SLC24A3: variants seen among roughly 807,000 people sequenced by gnomAD.
SLC24A3 encodes solute carrier family 24 member 3.
In SLC24A3, 28 loss-of-function variants were observed where a neutral mutation model predicts 75.8. The observed-to-expected ratio is 0.37, with a 90% CI of 0.27 to 0.51. The LOEUF (loss-of-function observed/expected upper bound fraction) is 0.51, where lower values mean the gene tolerates loss of function less well. SLC24A3 is among the 20% of genes least tolerant of loss of function. The pLI, the probability that SLC24A3 is intolerant of heterozygous loss-of-function variation, is 0.94. For synonymous variants in SLC24A3, 372 were observed against 334.1 expected (o/e 1.11, Z -1.24); for missense variants, 663 against 847.8 (o/e 0.78, Z 2.71).
rs907034117 is a variant in SLC24A3 at position 19,558,450 on chromosome 20, C to T, written c.349-21550C>T. 4.8e-4 allele frequency among the ~76,000 whole-genome samples: 73 copies of T among 150,960 alleles called. 3 individuals are homozygous for T. The highest frequency in any genetic ancestry group is 2.2e-4 in the African/African-American group (9 of 40,346). ...GCAATTATCAAGATCACAAATTTGA[C>T]GTCTACAGACATTTTTAAACTTCAC... On this transcript the variant is annotated intron_variant, in intron 3 of 16. Transcript: ENST00000328041.
At chr20:19,570,839 A>C (rs553182764) in intron 3 of SLC24A3, among the ~76,000 whole-genome samples, 1 of 152,230 alleles carries the variant, frequency 6.6e-6, no homozygotes, top group African/African-American at 2.4e-5. Context: ...GTTAGTGAGA[A>C]CAAGGATGTA....
Position 19,270,222 on chromosome 20 carries a change from C to T in SLC24A3, c.143-10737C>T, listed in dbSNP as rs140012996. Among the ~76,000 whole-genome samples, 34 of 152,226 alleles carry T rather than the reference C, an allele frequency of 2.2e-4. 1 individual carries two copies. The East Asian group carries it at 6.0e-3, about 27-fold the overall frequency. ...TCACTTAAAAATGTGTAATTGAGCC[C>T]AGCTGCTCAAAGTGGTGCTTGGACC... On this transcript the variant is annotated intron_variant, in intron 1 of 16. Coordinates refer to ENST00000328041, the MANE Select transcript of SLC24A3 (RefSeq NM_020689.4).
chr20:19,283,712 T>C (rs1983726553), intron 2 of SLC24A3, among the ~76,000 whole-genome samples: 1 of 152,238 alleles, frequency 6.6e-6, no homozygotes, highest in African/African-American at 2.4e-5. Flanking sequence ...TCTCAGAGTC[T>C]CTGTGTGCTT....
chr20:19,547,366 C>T (rs189545148), intron 3 of SLC24A3, among the ~76,000 whole-genome samples: 39 of 152,070 alleles, frequency 2.6e-4, no homozygotes, highest in Admixed American at 7.9e-4. Flanking sequence ...TCATTGGTGA[C>T]CTGAAGATGA....
intron 1 of SLC24A3, among the ~76,000 whole-genome samples, chr20:19,254,959 C>G (rs1194350183): frequency 1.3e-5 from 2 of 152,218 alleles, no homozygotes. Context: ...GAGAATACCT[C>G]TCACACAGCA....
intron 3 of SLC24A3, among the ~76,000 whole-genome samples, chr20:19,552,420 C>T (rs1385288007): frequency 1.3e-5 from 2 of 152,204 alleles, no homozygotes; most frequent in Non-Finnish European, 2.9e-5. Context: ...TGACTTTACC[C>T]CAGCTTTGAA....
chr20:19,556,814 A>G (rs1211326937), intron 3 of SLC24A3, among the ~76,000 whole-genome samples: 5 of 152,210 alleles, frequency 3.3e-5, no homozygotes, highest in Non-Finnish European at 7.3e-5. Context: ...AAGAAGTCTA[A>G]CTAGAAAACA....
chr20:19,269,921 C>G lies in SLC24A3; in HGVS notation c.143-11038C>G, dbSNP rs138278851. Among the ~76,000 whole-genome samples the G allele has an allele frequency of 2.4e-3, 362 of 152,336 alleles. 3 individuals carry two copies. The highest frequency in any genetic ancestry group is 8.6e-3 in the African/African-American group (356 of 41,560). On this transcript the variant is annotated intron_variant, in intron 1 of 16. Transcript: ENST00000328041. Reference sequence around the variant, plus strand: ...CATGAAGAGAAGAACATCCTGCATGCATACCTTCATCATGACTCTTCTTCC... The same window carrying G: ...CATGAAGAGAAGAACATCCTGCATGGATACCTTCATCATGACTCTTCTTCC...
At chr20:19,595,317 G>A (rs536280598) in intron 6 of SLC24A3, among the ~76,000 whole-genome samples, 171 of 152,308 alleles carry the variant, frequency 1.1e-3, no homozygotes, top group African/African-American at 3.9e-3. Context: ...CAACAGTAGT[G>A]TCACATATGG....
chr20:19,614,305 G>A (rs1431818425), intron 6 of SLC24A3, among the ~76,000 whole-genome samples: 1 of 152,194 alleles, frequency 6.6e-6, no homozygotes, highest in Non-Finnish European at 1.5e-5. Flanking sequence ...AACTAAATGA[G>A]TTAATACACT....
intron 2 of SLC24A3, among the ~76,000 whole-genome samples, chr20:19,415,382 C>T (rs1427130001): frequency 6.6e-6 from 1 of 152,184 alleles, no homozygotes; most frequent in Non-Finnish European, 1.5e-5. Context: ...ATGACAGAAG[C>T]CACCTCACCA....
At chr20:19,398,231 G>T (rs1986490791) in intron 2 of SLC24A3, among the ~76,000 whole-genome samples, 2 of 152,058 alleles carry the variant, frequency 1.3e-5, no homozygotes, top group South Asian at 2.1e-4. Context: ...TTGGGATTTT[G>T]ATTGGGATTG....
intron 3 of SLC24A3, among the ~76,000 whole-genome samples, chr20:19,540,394 G>T (rs1326242430): frequency 6.6e-6 from 1 of 152,218 alleles, no homozygotes; most frequent in Admixed American, 6.5e-5. Flanking sequence ...CGCTGGAACA[G>T]CCAGAAGCCC....
At chr20:19,600,321 A>T (rs1053782522) in intron 6 of SLC24A3, among the ~76,000 whole-genome samples, 1 of 152,184 alleles carries the variant, frequency 6.6e-6, no homozygotes, top group African/African-American at 2.4e-5. Flanking sequence ...CATCATATTC[A>T]TATGAAGGCT....
At chr20:19,570,476 A>G (rs2031034765) in intron 3 of SLC24A3, among the ~76,000 whole-genome samples, 2 of 152,192 alleles carry the variant, frequency 1.3e-5, no homozygotes, top group Non-Finnish European at 2.9e-5. Context: ...GGTACTGGTT[A>G]GAAATGGAGA....
At chr20:19,529,962 A>G (rs2030266733) in intron 3 of SLC24A3, among the ~76,000 whole-genome samples, 1 of 152,240 alleles carries the variant, frequency 6.6e-6, no homozygotes, top group African/African-American at 2.4e-5. Context: ...TATAGTAAAT[A>G]GACTATATAG....
chr20:19,335,847 A>C (rs991665638), intron 2 of SLC24A3, among the ~76,000 whole-genome samples: 1 of 152,222 alleles, frequency 6.6e-6, no homozygotes, highest in African/African-American at 2.4e-5. Flanking sequence ...TAGAACATAC[A>C]TGACCAGTGT....
rs868600352 is a variant in SLC24A3, at chr20:19,555,512, G to T, written c.349-24488G>T. On this transcript the variant is annotated intron_variant, in intron 3 of 16. Coordinates refer to ENST00000328041, the MANE Select transcript of SLC24A3 (RefSeq NM_020689.4). The stretch of plus-strand genomic sequence containing the variant: ...TATCCTAGAATGGTAGACAATCCCT[G>T]GATTACTCCAGGAAGTATTACAAAA... Among the ~76,000 whole-genome samples the T allele has an allele frequency of 1.3e-4, 20 of 152,260 alleles. 1 individual carries two copies. The Middle Eastern group carries it at 0.014, about 104-fold the overall frequency.
In SLC24A3 at chr20:19,710,614, G is replaced by GCAGA. The variant is rs1240388503; in HGVS notation, c.1720-6913_1720-6912insAGAC. Among the ~76,000 whole-genome samples the GCAGA allele has an allele frequency of 2.0e-5, 3 of 152,186 alleles. No homozygotes were observed. The East Asian group carries it at 5.8e-4, about 29-fold the overall frequency. ...TCTGCATTGGCACTTAATGTTCCTT[G>GCAGA]CGTCTTTGAGGCAGGGAGGAGGGAG... On this transcript the variant is annotated intron_variant, in intron 15 of 16. Transcript: ENST00000328041.
Sources: gnomAD v4.1 joint callset for allele counts (sites outside exome capture counted in the v4.1 genomes callset) on GRCh38, gnomAD v4.1.1 for gene constraint, MANE v1.5 for transcripts, NCBI Gene and HGNC (gene_info 2026-07-23, HGNC 2026-07-21) for gene names.